MTHFD2L: variants seen among roughly 807,000 people sequenced by gnomAD.
MTHFD2L encodes the protein bifunctional methylenetetrahydrofolate dehydrogenase/cyclohydrolase 2, mitochondrial.
MTHFD2L carries 29 observed loss-of-function variants against 34.9 expected under a neutral mutation model. That is an observed-to-expected ratio of 0.83 (90% CI 0.62 to 1.13). MTHFD2L has a LOEUF of 1.13. MTHFD2L is among the 50% of genes most tolerant of loss of function. MTHFD2L has a pLI of 0.00. For synonymous variants in MTHFD2L, 167 were observed against 155.7 expected (o/e 1.07, Z -0.54); for missense variants, 481 against 446.5 (o/e 1.08, Z -0.70).
intron 6 of MTHFD2L, 100 bp from the exon 7 acceptor site, chr4:74,281,323 ACG>A: frequency 4.3e-6 from 3 of 692,386 alleles, no homozygotes; most frequent in Non-Finnish European, 3.9e-6. Flanking sequence ...TATTACACAT[ACG>A]TGTGTGTGTG....
intron 1 of MTHFD2L, among the ~76,000 whole-genome samples, chr4:74,139,858 G>T (rs746815002): frequency 9.2e-5 from 14 of 151,970 alleles, no homozygotes; most frequent in Non-Finnish European, 1.9e-4. Context: ...AATGTTTGTT[G>T]TCATTTTTAG....
intron 7 of MTHFD2L, among the ~76,000 whole-genome samples, chr4:74,296,239 C>T (rs1749616363): frequency 6.6e-6 from 1 of 152,102 alleles, no homozygotes; most frequent in Non-Finnish European, 1.5e-5. Context: ...ATATTTTATC[C>T]TAGAGACAAT....
chr4:74,287,810 T>G (rs1748381719), intron 7 of MTHFD2L, among the ~76,000 whole-genome samples: 1 of 152,188 alleles, frequency 6.6e-6, no homozygotes, highest in South Asian at 2.1e-4. Flanking sequence ...GTCAATGGAG[T>G]TAGGCAGCTA....
intron 6 of MTHFD2L, among the ~76,000 whole-genome samples, chr4:74,250,070 G>C (rs1305223922): frequency 8.5e-5 from 13 of 152,122 alleles, no homozygotes; most frequent in Admixed American, 5.9e-4. Context: ...ATCCTGCAGA[G>C]TGTTTTCCAA....
chr4:74,225,827 G>A (rs950716705), intron 6 of MTHFD2L, among the ~76,000 whole-genome samples: 6 of 152,096 alleles, frequency 3.9e-5, no homozygotes, highest in South Asian at 2.1e-4. Flanking sequence ...CCAGGCTGAA[G>A]AATTATGTTC....
chr4:74,152,070 T>C (rs964051882), intron 1 of MTHFD2L, among the ~76,000 whole-genome samples: 91 of 152,290 alleles, frequency 6.0e-4, no homozygotes, highest in African/African-American at 2.1e-3. Flanking sequence ...CGTTTAGTTG[T>C]GGTAAAGTTT....
At chr4:74,165,867 A>C (rs1726581266) in intron 1 of MTHFD2L, among the ~76,000 whole-genome samples, 1 of 152,232 alleles carries the variant, frequency 6.6e-6, no homozygotes, top group South Asian at 2.1e-4. Context: ...CACAGGTGCT[A>C]TGTTGGTGTA....
intron 6 of MTHFD2L, among the ~76,000 whole-genome samples, chr4:74,278,665 T>C (rs1747009197): frequency 6.6e-6 from 1 of 152,094 alleles, no homozygotes; most frequent in Non-Finnish European, 1.5e-5. Context: ...CTTTCCTCTA[T>C]GGTTCTTGTA....
chr4:74,167,132 C>T (rs549377511), intron 1 of MTHFD2L, among the ~76,000 whole-genome samples: 1 of 152,320 alleles, frequency 6.6e-6, no homozygotes, highest in Non-Finnish European at 1.5e-5. Flanking sequence ...CCCCAGTGGA[C>T]CCATGCACCG....
chr4:74,140,003 AG>A (rs1373282336), intron 1 of MTHFD2L, among the ~76,000 whole-genome samples: 4 of 152,190 alleles, frequency 2.6e-5, no homozygotes, highest in Non-Finnish European at 5.9e-5. Context: ...TCTATCTTCC[AG>A]GGCAATTAAG....
intron 4 of MTHFD2L, among the ~76,000 whole-genome samples, chr4:74,200,833 A>G (rs1469082755): frequency 6.6e-6 from 1 of 152,038 alleles, no homozygotes; most frequent in Non-Finnish European, 1.5e-5. Flanking sequence ...CTTCTTTCCT[A>G]TGGAGTAAAA....
At chr4:74,256,391 G>A (rs922593205) in intron 6 of MTHFD2L, among the ~76,000 whole-genome samples, 1 of 152,128 alleles carries the variant, frequency 6.6e-6, no homozygotes, top group South Asian at 2.1e-4. Flanking sequence ...GGGATTACAG[G>A]TGTGAGCCAC....
chr4:74,166,670 A>G (rs1252873042), intron 1 of MTHFD2L, among the ~76,000 whole-genome samples: 1 of 151,778 alleles, frequency 6.6e-6, no homozygotes, highest in Non-Finnish European at 1.5e-5. Flanking sequence ...CCCCACAGAC[A>G]CAGCTTGTAG....
chr4:74,214,818 C>A (rs951444967), intron 5 of MTHFD2L, among the ~76,000 whole-genome samples: 4 of 151,796 alleles, frequency 2.6e-5, no homozygotes, highest in African/African-American at 9.7e-5. Context: ...GCCGCCCCTT[C>A]CCCCAGGTGC....
intron 1 of MTHFD2L, among the ~76,000 whole-genome samples, chr4:74,127,571 G>A (rs890515959): frequency 1.3e-5 from 2 of 152,116 alleles, no homozygotes; most frequent in South Asian, 4.1e-4. Flanking sequence ...TGCTGCAAAT[G>A]ACAGGATTGC....
intron 5 of MTHFD2L, among the ~76,000 whole-genome samples, chr4:74,201,958 T>C (rs1734513217): frequency 6.6e-6 from 1 of 152,162 alleles, no homozygotes; most frequent in African/African-American, 2.4e-5. Context: ...AGCAGTCTAA[T>C]AGCTAGATAC....
intron 7 of MTHFD2L, among the ~76,000 whole-genome samples, chr4:74,282,193 C>T (rs1415771977): frequency 6.6e-6 from 1 of 152,088 alleles, no homozygotes; most frequent in African/African-American, 2.4e-5. Context: ...AGATGCCTGA[C>T]CCTCTAATCT....
Position 74,246,569 on chromosome 4 carries a change from A to G in MTHFD2L, c.805+21175A>G, listed in dbSNP as rs1390983474. Among the ~76,000 whole-genome samples, 6 of 152,282 alleles carry G rather than the reference A, an allele frequency of 3.9e-5. No individual in the cohort carries two copies. The South Asian group carries it at 1.0e-3, about 26-fold the overall frequency. Reference sequence around the variant, plus strand: ...GTCCTTGCCCATGCCTATGTCCTGAATGGTAATGCCTAGGTTTTCTTCTAG... The same window carrying G: ...GTCCTTGCCCATGCCTATGTCCTGAGTGGTAATGCCTAGGTTTTCTTCTAG... On this transcript the variant is annotated intron_variant, in intron 6 of 7. Transcript: ENST00000325278.
At chr4:74,233,104 T>A in intron 6 of MTHFD2L, among the ~76,000 whole-genome samples, 1 of 152,198 alleles carries the variant, frequency 6.6e-6, no homozygotes, top group East Asian at 1.9e-4. Flanking sequence ...CACGTGTGTT[T>A]AATATTAAAG....
Sources: gnomAD v4.1 joint callset for allele counts (sites outside exome capture counted in the v4.1 genomes callset) on GRCh38, gnomAD v4.1.1 for gene constraint, MANE v1.5 for transcripts, NCBI Gene and HGNC (gene_info 2026-07-23, HGNC 2026-07-21) for gene names.